MGAT4C: variants seen among roughly 807,000 people sequenced by gnomAD.
The protein encoded by MGAT4C is MGAT4 family member C.
Under a neutral mutation model 40.1 loss-of-function variants are expected in MGAT4C, and 19 were observed. The observed-to-expected ratio is 0.47, with a 90% confidence interval of 0.33 to 0.70. The LOEUF (loss-of-function observed/expected upper bound fraction) is 0.70. Ranked by LOEUF, MGAT4C falls within the 30% of genes least tolerant of loss-of-function variation. The probability of loss-of-function intolerance (pLI) is 0.02; values close to 1 mark genes in which losing one functional copy is unlikely to be tolerated. For missense variants in MGAT4C, 491 were observed against 563.2 expected (o/e 0.87, Z 1.30); for synonymous variants, 181 against 187.1 (o/e 0.97, Z 0.27).
chr12:86,159,505 C>A (rs999931706), intron 1 of MGAT4C, among the ~76,000 whole-genome samples: 7 of 151,606 alleles, frequency 4.6e-5, no homozygotes, highest in African/African-American at 1.7e-4. Context: ...TGTGTCTCTG[C>A]CAGATTTTAG....
chr12:86,733,046 G>A (rs1950935681), intron 1 of MGAT4C, among the ~76,000 whole-genome samples: 1 of 151,968 alleles, frequency 6.6e-6, no homozygotes, highest in African/African-American at 2.4e-5. Flanking sequence ...CGAAGATTTG[G>A]AAGAATGAAA....
At chr12:86,121,606 A>G (rs1375718894) in intron 1 of MGAT4C, among the ~76,000 whole-genome samples, 2 of 152,202 alleles carry the variant, frequency 1.3e-5, no homozygotes, top group Admixed American at 1.3e-4. Context: ...ATTCTTAAAG[A>G]ATAGAATTTT....
At chr12:86,367,955 C>T (rs1366643699) in intron 3 of MGAT4C, among the ~76,000 whole-genome samples, 2 of 152,180 alleles carry the variant, frequency 1.3e-5, no homozygotes, top group Admixed American at 6.5e-5. Flanking sequence ...CCTTCACTGT[C>T]GAACCACCTT....
At chr12:86,660,614 T>A (rs1244395537) in intron 2 of MGAT4C, among the ~76,000 whole-genome samples, 1 of 152,080 alleles carries the variant, frequency 6.6e-6, no homozygotes, top group Non-Finnish European at 1.5e-5. Flanking sequence ...GGTAACATAA[T>A]AGAAACTGGA....
intron 1 of MGAT4C, among the ~76,000 whole-genome samples, chr12:86,746,388 C>A (rs1951152996): frequency 6.6e-6 from 1 of 151,518 alleles, no homozygotes; most frequent in Admixed American, 6.6e-5. Flanking sequence ...ATTTATGTTG[C>A]TCAGGAGACC....
intron 2 of MGAT4C, among the ~76,000 whole-genome samples, chr12:86,691,303 A>C (rs1950169331): frequency 6.6e-6 from 1 of 152,214 alleles, no homozygotes; most frequent in Non-Finnish European, 1.5e-5. Context: ...ACCAAAAGCA[A>C]TACTCCCAAG....
chr12:86,168,166 C>A (rs1193724728), intron 1 of MGAT4C, among the ~76,000 whole-genome samples: 1 of 152,086 alleles, frequency 6.6e-6, no homozygotes, highest in African/African-American at 2.4e-5. Context: ...AGTTATAAAT[C>A]CCTTTTGTTC....
At chr12:86,698,147 T>A (rs1452998407) in intron 2 of MGAT4C, among the ~76,000 whole-genome samples, 1 of 151,842 alleles carries the variant, frequency 6.6e-6, no homozygotes, top group East Asian at 1.9e-4. Context: ...TTGCAACACA[T>A]ATGACAAGAG....
At chr12:86,560,534 A>G (rs1433072077) in intron 2 of MGAT4C, among the ~76,000 whole-genome samples, 3 of 152,142 alleles carry the variant, frequency 2.0e-5, no homozygotes, top group African/African-American at 4.8e-5. Context: ...CAAAACCACA[A>G]AGCCATATGA....
intron 2 of MGAT4C, among the ~76,000 whole-genome samples, chr12:86,442,341 T>C (rs866836680): frequency 1.3e-5 from 2 of 152,316 alleles, no homozygotes; most frequent in Middle Eastern, 6.8e-3. Flanking sequence ...AGAAGCTCTT[T>C]AGTTGAATTA....
intron 2 of MGAT4C, among the ~76,000 whole-genome samples, chr12:86,609,619 T>G (rs185410905): frequency 6.6e-6 from 1 of 152,092 alleles, no homozygotes; most frequent in Non-Finnish European, 1.5e-5. Flanking sequence ...GCTAAAAATA[T>G]TATGTTAAAA....
At chr12:86,180,080 G>T (rs990705137) in intron 1 of MGAT4C, among the ~76,000 whole-genome samples, 45 of 152,298 alleles carry the variant, frequency 3.0e-4, no homozygotes, top group African/African-American at 1.1e-3. Flanking sequence ...GGGACTTGGT[G>T]CCCTGTGTTC....
chr12:86,691,700 A>T (rs1182170434), intron 2 of MGAT4C, among the ~76,000 whole-genome samples: 1 of 152,138 alleles, frequency 6.6e-6, no homozygotes, highest in Non-Finnish European at 1.5e-5. Flanking sequence ...CACTTTTCAC[A>T]TATTTATATC....
At chr12:86,517,191 T>G (rs1958706146) in intron 2 of MGAT4C, among the ~76,000 whole-genome samples, 1 of 152,192 alleles carries the variant, frequency 6.6e-6, no homozygotes, top group African/African-American at 2.4e-5. Context: ...ATGAAAATGT[T>G]CTGGAATTAG....
intron 2 of MGAT4C, among the ~76,000 whole-genome samples, chr12:86,545,674 A>G (rs1274059289): frequency 1.3e-5 from 2 of 151,964 alleles, no homozygotes; most frequent in African/African-American, 4.8e-5. Context: ...AAATAAAATA[A>G]GCCTTTATTT....
At chr12:86,282,477 A>G (rs1011953654) in intron 4 of MGAT4C, among the ~76,000 whole-genome samples, 3 of 151,872 alleles carry the variant, frequency 2.0e-5, no homozygotes, top group African/African-American at 7.2e-5. Context: ...TTGTTAATTT[A>G]CTGTGTTTAT....
intron 2 of MGAT4C, among the ~76,000 whole-genome samples, chr12:86,543,571 T>C (rs976689543): frequency 1.3e-5 from 2 of 152,116 alleles, no homozygotes; most frequent in Non-Finnish European, 2.9e-5. Flanking sequence ...CACAATTGCA[T>C]TAATTTATAT....
At chr12:86,387,850 A>G (rs1222060342) in intron 3 of MGAT4C, among the ~76,000 whole-genome samples, 1 of 152,290 alleles carries the variant, frequency 6.6e-6, no homozygotes, top group Non-Finnish European at 1.5e-5. Flanking sequence ...TGTAGCTGCA[A>G]GCTTGACCTT....
chr12:86,210,110 T>C (rs1950403147), intron 1 of MGAT4C, among the ~76,000 whole-genome samples: 1 of 152,218 alleles, frequency 6.6e-6, no homozygotes, highest in South Asian at 2.1e-4. Flanking sequence ...TTGATCACCA[T>C]GACCTATCAA....
Sources: allele counts gnomAD v4.1 joint callset (sites outside exome capture counted in the v4.1 genomes callset), GRCh38; gene constraint gnomAD v4.1.1; transcripts MANE v1.5; gene names NCBI Gene and HGNC (gene_info 2026-07-23, HGNC 2026-07-21).